Variants in TAOK3 observed in about 807,000 individuals in gnomAD.
TAOK3 encodes TAO kinase 3.
TAOK3 carries 40 observed loss-of-function variants against 120.4 expected under a neutral mutation model. The ratio of observed to expected loss-of-function variants is 0.33; its 90% CI spans 0.26 to 0.43. TAOK3 has a LOEUF of 0.43. Ranked by LOEUF, TAOK3 falls within the 20% of genes least tolerant of loss-of-function variation. The pLI is 1.00. For missense variants in TAOK3, 821 were observed against 1,112.1 expected (o/e 0.74, Z 3.72); for synonymous variants, 355 against 387.5 (o/e 0.92, Z 0.99).
intron 1 of TAOK3, among the ~76,000 whole-genome samples, chr12:118,317,321 G>T (rs865952327): frequency 6.5e-4 from 56 of 85,630 alleles, no homozygotes; most frequent in African/African-American, 2.3e-3. Flanking sequence ...TTTTTTTTTA[G>T]ACAGTCTTGC....
intron 1 of TAOK3, among the ~76,000 whole-genome samples, chr12:118,333,504 T>C (rs2044236208): frequency 6.6e-6 from 1 of 152,148 alleles, no homozygotes; most frequent in African/African-American, 2.4e-5. Flanking sequence ...GGGAAATGCA[T>C]ACTATTAAAT....
At chr12:118,180,309 C>T (rs1226978013) in intron 15 of TAOK3, among the ~76,000 whole-genome samples, 1 of 151,798 alleles carries the variant, frequency 6.6e-6, no homozygotes, top group East Asian at 1.9e-4. Flanking sequence ...GACACAATCT[C>T]GGCTCACTGC....
At chr12:118,302,536 AAAG>A (rs1360615780) in intron 1 of TAOK3, among the ~76,000 whole-genome samples, 1 of 152,318 alleles carries the variant, frequency 6.6e-6, no homozygotes. Flanking sequence ...AAGTTTTTGT[AAAG>A]AAGAGATCTT....
chr12:118,282,275 A>T (rs985159596), intron 1 of TAOK3, among the ~76,000 whole-genome samples: 2 of 152,258 alleles, frequency 1.3e-5, no homozygotes, highest in African/African-American at 2.4e-5. Context: ...ATATACTCCA[A>T]GTATGTAGTA....
intron 14 of TAOK3, among the ~76,000 whole-genome samples, chr12:118,188,923 AGTGTGTGT>A (rs35868707): frequency 2.0e-5 from 3 of 150,884 alleles, no homozygotes; most frequent in African/African-American, 7.3e-5. Context: ...AAACGATGTG[AGTGTGTGT>A]GTGTGTGTGT....
intron 6 of TAOK3, 25 bp from the exon 7 acceptor site, chr12:118,238,194 C>T (rs2040097685): frequency 7.4e-7 from 1 of 1,345,128 alleles, no homozygotes; most frequent in South Asian, 1.2e-5. Context: ...AAAAAAAAGT[C>T]AGTAGATGAT....
At chr12:118,228,027 G>A (rs1248709581) in intron 9 of TAOK3, among the ~76,000 whole-genome samples, 1 of 151,792 alleles carries the variant, frequency 6.6e-6, no homozygotes, top group African/African-American at 2.4e-5. Context: ...ATTTGTTTCA[G>A]GTCCTTTTTC....
chr12:118,224,376 T>C (rs1455416039), intron 9 of TAOK3, among the ~76,000 whole-genome samples: 1 of 152,152 alleles, frequency 6.6e-6, no homozygotes, highest in Non-Finnish European at 1.5e-5. Flanking sequence ...AGATAAACTA[T>C]AAGGGGCTAA....
intron 13 of TAOK3, among the ~76,000 whole-genome samples, chr12:118,197,234 A>G (rs1284745433): frequency 6.6e-6 from 1 of 152,186 alleles, no homozygotes; most frequent in Non-Finnish European, 1.5e-5. Context: ...ATTTTCTTCC[A>G]TCATATTTCC....
chr12:118,362,764 T>C (rs2045636899), intron 1 of TAOK3, among the ~76,000 whole-genome samples: 1 of 151,992 alleles, frequency 6.6e-6, no homozygotes, highest in Admixed American at 6.6e-5. Flanking sequence ...ACATCTGTAA[T>C]CCCAGAACTT....
intron 1 of TAOK3, among the ~76,000 whole-genome samples, chr12:118,338,328 G>C (rs905661745): frequency 2.0e-5 from 3 of 152,180 alleles, no homozygotes; most frequent in African/African-American, 7.2e-5. Flanking sequence ...AGAGGGAAGA[G>C]ACAGCGACTG....
intron 1 of TAOK3, among the ~76,000 whole-genome samples, chr12:118,286,976 C>T (rs538329998): frequency 3.7e-4 from 56 of 152,156 alleles, no homozygotes; most frequent in African/African-American, 1.2e-3. Flanking sequence ...AATGGAAAAT[C>T]GAATATAGTA....
chr12:118,235,805 T>C (rs2039998021), intron 7 of TAOK3, 134 bp from the exon 8 acceptor site: 2 of 609,630 alleles, frequency 3.3e-6, no homozygotes. Flanking sequence ...CTTGCTCAGA[T>C]AGCCAGAAGG....
chr12:118,266,497 C>T (rs544513779), intron 2 of TAOK3, among the ~76,000 whole-genome samples, 158 bp downstream of exon 2: 5 of 152,148 alleles, frequency 3.3e-5, no homozygotes, highest in South Asian at 2.1e-4. Context: ...CCACCGCACC[C>T]GGCCAAAGAT....
chr12:118,362,572 C>T lies in TAOK3; in HGVS notation c.-194+10076G>A, dbSNP rs1017530950. Reference sequence around the variant, plus strand: ...AACAATAAGTTTATTTGTTCACAGTCGCAAATTGCCTAGATCACACAGTAA... The same window carrying T: ...AACAATAAGTTTATTTGTTCACAGTTGCAAATTGCCTAGATCACACAGTAA... On this transcript the variant is annotated intron_variant, in intron 1 of 20. Coordinates refer to ENST00000392533, the MANE Select transcript of TAOK3 (RefSeq NM_016281.4). Among the ~76,000 whole-genome samples, 7 of 152,184 alleles carry T rather than the reference C, an allele frequency of 4.6e-5. No individual in the cohort carries two copies. The East Asian group carries it at 7.8e-4, about 17-fold the overall frequency.
chr12:118,316,121 A>G (rs761694193), intron 1 of TAOK3, among the ~76,000 whole-genome samples: 34 of 152,226 alleles, frequency 2.2e-4, no homozygotes, highest in Non-Finnish European at 3.5e-4. Context: ...CCTTCAATTT[A>G]TTCCTAATAA....
intron 14 of TAOK3, among the ~76,000 whole-genome samples, chr12:118,185,026 C>A (rs1716019764): frequency 6.6e-6 from 1 of 152,006 alleles, no homozygotes; most frequent in African/African-American, 2.4e-5. Flanking sequence ...CGAAGCATGT[C>A]CCTTGGCCCT....
intron 1 of TAOK3, among the ~76,000 whole-genome samples, chr12:118,329,044 T>C (rs1439177963): frequency 6.6e-6 from 1 of 152,084 alleles, no homozygotes; most frequent in Non-Finnish European, 1.5e-5. Context: ...CAGAATAATG[T>C]AGCACACTTA....
At chr12:118,263,788 G>A (rs549606737) in intron 2 of TAOK3, among the ~76,000 whole-genome samples, 9 of 152,250 alleles carry the variant, frequency 5.9e-5, no homozygotes, top group East Asian at 1.9e-4. Context: ...ATGAGAGGCC[G>A]GGCACGGTGG....
Sources: gnomAD v4.1 joint callset for allele counts (sites outside exome capture counted in the v4.1 genomes callset) on GRCh38, gnomAD v4.1.1 for gene constraint, MANE v1.5 for transcripts, NCBI Gene and HGNC (gene_info 2026-07-23, HGNC 2026-07-21) for gene names.